The following MAPK8 variants were observed in gnomAD, a reference collection of about 807,000 sequenced individuals.
The protein encoded by MAPK8 is mitogen-activated protein kinase 8.
In MAPK8, 13 loss-of-function variants were observed where a neutral mutation model predicts 52.9. That is an observed-to-expected ratio of 0.25 (90% CI 0.16 to 0.39). The LOEUF is 0.39. Ranked by LOEUF, MAPK8 falls within the 10% of genes least tolerant of loss-of-function variation. The pLI is 1.00. For synonymous variants in MAPK8, 191 were observed against 169.8 expected (o/e 1.12, Z -0.97); for missense variants, 300 against 519.2 (o/e 0.58, Z 4.10).
chr10:48,414,568 ATTTTTTTTTT>A (rs3047769), intron 5 of MAPK8, among the ~76,000 whole-genome samples: 1 of 88,446 alleles, frequency 1.1e-5, no homozygotes, highest in Non-Finnish European at 2.1e-5. Flanking sequence ...GTTGAAAAGA[ATTTTTTTTTT>A]TTTTTTTTTT....
chr10:48,412,976 A>G (rs937926719), intron 5 of MAPK8, among the ~76,000 whole-genome samples: 2 of 152,126 alleles, frequency 1.3e-5, no homozygotes, highest in African/African-American at 4.8e-5. Context: ...CCCGACAGAC[A>G]TCATTCTATT....
intron 1 of MAPK8, among the ~76,000 whole-genome samples, chr10:48,400,812 A>T (rs1025609964): frequency 2.0e-5 from 3 of 152,226 alleles, no homozygotes; most frequent in Non-Finnish European, 4.4e-5. Context: ...GTAAGGATGG[A>T]TAAGTTTGTT....
rs1214086567 is a variant in MAPK8 at position 48,435,470 on chromosome 10, C to T, written c.*441C>T. ...TCAGATGTTTTGTTCATGATACTAT[C>T]CTTCAGGGTTATGTGCTTATCAATG... is the stretch of plus-strand genomic sequence containing the variant. On this transcript the variant is annotated 3_prime_UTR_variant, in exon 12 of 12. Transcript: ENST00000374189. The T allele has an allele frequency of 6.5e-6, 1 of 152,782 alleles. No individual in the cohort carries two copies. Among genetic ancestry groups the T allele is most frequent in the African/African-American group, 2.4e-5 (1 of 41,304 alleles). The allele number at this position is 152,782 out of a possible 1,614,324, so 9.5% of individuals were successfully genotyped here.
chr10:48,362,761 A>T (rs554851327), intron 1 of MAPK8, among the ~76,000 whole-genome samples: 127 of 105,488 alleles, frequency 1.2e-3, no homozygotes, highest in African/African-American at 4.3e-3. Context: ...TTTTTTTGAG[A>T]TGGAGTTTCA....
intron 1 of MAPK8, among the ~76,000 whole-genome samples, chr10:48,364,785 C>G (rs1390610779): frequency 6.6e-6 from 1 of 152,096 alleles, no homozygotes; most frequent in South Asian, 2.1e-4. Context: ...CTTTCATATC[C>G]TAAAGACAGA....
intron 6 of MAPK8, 97 bp downstream of exon 6, chr10:48,420,417 G>A: frequency 1.8e-6 from 2 of 1,129,706 alleles, no homozygotes; most frequent in Non-Finnish European, 2.5e-6. Context: ...AGTACGTTGA[G>A]TTAAATGTGT....
chr10:48,348,223 A>T (rs1202920037), intron 1 of MAPK8, among the ~76,000 whole-genome samples: 1 of 152,116 alleles, frequency 6.6e-6, no homozygotes, highest in Non-Finnish European at 1.5e-5. Flanking sequence ...TGTTTCACCC[A>T]CTTTTTGATG....
chr10:48,431,312 C>A, intron 11 of MAPK8, 42 bp downstream of exon 11: 2 of 1,363,344 alleles, frequency 1.5e-6, no homozygotes, highest in Non-Finnish European at 2.1e-6. Context: ...CAGTTTACTT[C>A]TTGTGTTGTA....
intron 5 of MAPK8, among the ~76,000 whole-genome samples, chr10:48,411,047 T>G (rs997750517): frequency 8.5e-5 from 13 of 152,244 alleles, no homozygotes; most frequent in African/African-American, 2.9e-4. Flanking sequence ...GTATATAATT[T>G]GTAAATATTT....
At chr10:48,312,227 A>G (rs17770456) in intron 1 of MAPK8, among the ~76,000 whole-genome samples, 8,857 of 152,284 alleles carry the variant, frequency 0.058, 613 homozygotes, top group Admixed American at 0.21. Context: ...TCATAAGAAA[A>G]GGCAAACCTT....
In MAPK8 at chr10:48,401,768, T is replaced by C. The variant is rs149467709; in HGVS notation, c.108T>C (p.Ala36=). The change falls in exon 2 of 12, where the codon GCT becomes GCC. Residue 36 remains alanine (A), a synonymous_variant. Coordinates refer to ENST00000374189, the MANE Select transcript of MAPK8 (RefSeq NM_001323329.2). ...ATTTAAAACCTATAGGCTCAGGAGC[T>C]CAAGGAATAGTATGGTAAGTGTTTA... The part of the protein sequence containing the change: ...YQNLKPIGSG[A]QGIVCAAYDA... The C allele has an allele frequency of 2.7e-5, 41 of 1,519,698 alleles. No homozygotes were observed. In the Admixed American group the frequency reaches 3.5e-4, roughly 13 times the overall value. The allele number at this position is 1,519,698 out of a possible 1,614,324, so 94.1% of individuals were successfully genotyped here. A position where few individuals can be genotyped will look rare whatever the true frequency, so the allele number is the denominator to read the frequency against.
chr10:48,395,253 A>G (rs1435497840), intron 1 of MAPK8, among the ~76,000 whole-genome samples: 1 of 152,026 alleles, frequency 6.6e-6, no homozygotes, highest in Non-Finnish European at 1.5e-5. Flanking sequence ...CCTGATTTTC[A>G]CACTTACTAG....
intron 1 of MAPK8, among the ~76,000 whole-genome samples, chr10:48,355,425 C>T (rs113076417): frequency 0.062 from 9,214 of 147,788 alleles, 729 homozygotes; most frequent in Admixed American, 0.25. Flanking sequence ...AGGAGAATGG[C>T]GTGAACCCAG....
chr10:48,427,759 T>G (rs946075360), intron 10 of MAPK8, among the ~76,000 whole-genome samples: 1 of 152,264 alleles, frequency 6.6e-6, no homozygotes, highest in Admixed American at 6.5e-5. Context: ...CCCAAAGTGC[T>G]GGGATTATAG....
rs557163943 is a variant in MAPK8 at position 48,343,988 on chromosome 10, A to G, written c.-50+37167A>G. On this transcript the variant is annotated intron_variant, in intron 1 of 11. Transcript: ENST00000374189. ...GCAAGACAGGAATCTAAGGAGTTTGATATGTTGGTTTGCAGTAGTTTGAAT... is the reference window on the plus strand; with the variant it reads ...GCAAGACAGGAATCTAAGGAGTTTGGTATGTTGGTTTGCAGTAGTTTGAAT... 1.3e-4 allele frequency among the ~76,000 whole-genome samples: 20 copies of G among 152,266 alleles called. No homozygotes were observed. The South Asian group carries it at 3.9e-3, about 30-fold the overall frequency.
intron 1 of MAPK8, among the ~76,000 whole-genome samples, chr10:48,354,766 T>A (rs887132472): frequency 1.3e-5 from 2 of 151,858 alleles, no homozygotes; most frequent in African/African-American, 4.8e-5. Context: ...TAATTTGCAG[T>A]GCGAATTTAA....
intron 1 of MAPK8, among the ~76,000 whole-genome samples, chr10:48,384,143 G>A (rs528770980): frequency 5.3e-5 from 8 of 152,234 alleles, no homozygotes; most frequent in African/African-American, 1.7e-4. Flanking sequence ...TCCCAGCTGC[G>A]TGGGAGGGTG....
At chr10:48,364,607 T>C (rs990512624) in intron 1 of MAPK8, among the ~76,000 whole-genome samples, 1 of 152,310 alleles carries the variant, frequency 6.6e-6, no homozygotes, top group Middle Eastern at 3.4e-3. Flanking sequence ...TATCTCTATT[T>C]ACAGATGAAG....
intron 1 of MAPK8, among the ~76,000 whole-genome samples, chr10:48,378,937 T>G (rs1482424724): frequency 6.6e-6 from 1 of 152,178 alleles, no homozygotes; most frequent in African/African-American, 2.4e-5. Context: ...CAGTGCCTCT[T>G]TTCTACCGAA....
Sources: allele counts gnomAD v4.1 joint callset (sites outside exome capture counted in the v4.1 genomes callset), GRCh38; gene constraint gnomAD v4.1.1; transcripts MANE v1.5; gene names NCBI Gene and HGNC (gene_info 2026-07-23, HGNC 2026-07-21).